Variants in ZNF155 observed in about 807,000 individuals in gnomAD.
ZNF155 encodes KRAB A domain.
ZNF155 carries 15 observed loss-of-function variants against 11.9 expected under a neutral mutation model. The observed-to-expected ratio is 1.26, with a 90% CI of 0.84 to 1.94. The LOEUF is 1.94. Among genes scored for constraint, ZNF155 ranks in the 30% most tolerant of loss-of-function variants. The pLI, the probability that ZNF155 is intolerant of heterozygous loss-of-function variation, is 0.00. For missense variants in ZNF155, 602 were observed against 639.1 expected, an observed-to-expected ratio of 0.94 and a Z score of 0.63; for synonymous variants, 212 against 219.9, an observed-to-expected ratio of 0.96 and a Z score of 0.32.
chr19:43,996,923 A>G lies in ZNF155; in HGVS notation c.1066A>G (p.Arg356Gly), dbSNP rs774935737. ...GCAGTGTGGAAAAGGCTTTATTGGT[A>G]GGCTAGATTTTTATAAGCATCAGGT... ...CEQCGKGFIG[R>G]LDFYKHQVVH... The change falls in exon 5 of 5, where the codon AGG (arginine) becomes GGG (glycine). Residue 356 changes from arginine (R) to glycine (G), a missense_variant. Transcript: ENST00000270014. The G allele has an allele frequency of 5.0e-6, 8 of 1,613,994 alleles. No homozygotes were observed. The East Asian group carries it at 1.1e-4, about 22-fold the overall frequency.
chr19:43,996,606 A>G lies in ZNF155; in HGVS notation c.749A>G (p.His250Arg), dbSNP rs1352571902. ...AGTCGTAGATCAGCACTTAATGTTC[A>G]TCGTAAATTACACACAGGAGAGAAA... is the stretch of plus-strand genomic sequence containing the variant. ...GFSRRSALNV[H>R]RKLHTGEKPY... Residue 250 changes from histidine (H) to arginine (R), a missense_variant, in exon 5 of 5, where the codon CAT becomes CGT. Transcript: ENST00000270014. 3 of 1,612,916 alleles carry G rather than the reference A, an allele frequency of 1.9e-6. No individual in the cohort carries two copies. The highest frequency in any genetic ancestry group is 2.5e-6 in the Non-Finnish European group (3 of 1,179,138).
At chr19:43,989,339 G>A (rs556586705) in intron 2 of ZNF155, among the ~76,000 whole-genome samples, 1 of 152,278 alleles carries the variant, frequency 6.6e-6, no homozygotes, top group South Asian at 2.1e-4. Flanking sequence ...GCAGTAGAAA[G>A]CCTTCATTTA....
intron 2 of ZNF155, among the ~76,000 whole-genome samples, chr19:43,989,362 A>G (rs576644068): frequency 6.6e-6 from 1 of 152,312 alleles, no homozygotes; most frequent in South Asian, 2.1e-4. Context: ...ATGTCCAGTG[A>G]TACTAAGTTT....
rs1353257187 is a variant in ZNF155 at position 43,997,598 on chromosome 19, T to G, written c.*124T>G. On this transcript the variant is annotated 3_prime_UTR_variant, in exon 5 of 5. Transcript: ENST00000270014. ...TTACCATTTCTTTGTGTTGGAAAAT[T>G]CAAAATCCATTTGAGAGGAGTTGGT... 1.5e-5 allele frequency: 15 copies of G among 997,800 alleles called. No homozygotes were observed. The highest frequency in any genetic ancestry group is 5.4e-5 in the East Asian group (2 of 37,240). The allele number at this position is 997,800 out of a possible 1,614,324, so 61.8% of individuals were successfully genotyped here. A position where few individuals can be genotyped will look rare whatever the true frequency, so the allele number is the denominator to read the frequency against.
chr19:43,997,443 T>C lies in ZNF155; in HGVS notation c.1586T>C (p.Ile529Thr). Reference sequence around the variant, plus strand: ...TACAAGAGGCGCTTGAATCTGGATATACTTTTATCATTATTTCTAAATGAC... The same window carrying C: ...TACAAGAGGCGCTTGAATCTGGATACACTTTTATCATTATTTCTAAATGAC... ...RRYKRRLNLD[I>T]LLSLFLNDT The change falls in exon 5 of 5, where the codon ATA becomes ACA. Residue 529 changes from isoleucine to threonine, a missense_variant. By Grantham distance (89) the Ile-to-Thr change is moderately conservative. Transcript: ENST00000270014. 6.3e-7 allele frequency: 1 copy of C among 1,599,578 alleles called. No individual in the cohort carries two copies.
rs1295971865 is a variant in ZNF155, at chr19:43,997,394, A to C, written c.1537A>C (p.Lys513Gln). The change falls in exon 5 of 5, where the codon AAA becomes CAA. Residue 513 changes from lysine (K) to glutamine (Q), a missense_variant. Lys to Gln is a moderately conservative substitution (Grantham distance 53). Coordinates refer to ENST00000270014, the MANE Select transcript of ZNF155 (RefSeq NM_198089.3). ...AGACTATAGTGGGGAAAACCCATCC[A>C]AATGTGAGGATTGTGGGAGACGCTA... ...PRDYSGENPS[K>Q]CEDCGRRYKR... 1 of 1,613,942 alleles carries C rather than the reference A, an allele frequency of 6.2e-7. No individual in the cohort carries two copies. Among genetic ancestry groups the C allele is most frequent in the Non-Finnish European group, 8.5e-7 (1 of 1,179,940 alleles).
Position 43,997,407 on chromosome 19 carries a change from G to A in ZNF155, c.1550G>A (p.Cys517Tyr). 6.2e-7 allele frequency: 1 copy of A among 1,612,132 alleles called. No homozygotes were observed. The highest frequency in any genetic ancestry group is 8.5e-7 in the Non-Finnish European group (1 of 1,179,492). The part of the protein sequence containing the change: ...SGENPSKCED[C>Y]GRRYKRRLNL... Reference sequence around the variant, plus strand: ...GAAAACCCATCCAAATGTGAGGATTGTGGGAGACGCTACAAGAGGCGCTTG... The same window carrying A: ...GAAAACCCATCCAAATGTGAGGATTATGGGAGACGCTACAAGAGGCGCTTG... Residue 517 changes from cysteine (C) to tyrosine (Y), a missense_variant, in exon 5 of 5, where the codon TGT becomes TAT. Transcript: ENST00000270014.
chr19:43,986,449 G>T (rs111574223), intron 1 of ZNF155, among the ~76,000 whole-genome samples: 13,808 of 57,784 alleles, frequency 0.24, 1,735 homozygotes, highest in African/African-American at 0.37. Flanking sequence ...TCCCATTTGT[G>T]TTTTTTTTTT....
At chr19:43,987,536 C>T (rs969776976) in intron 1 of ZNF155, among the ~76,000 whole-genome samples, 2 of 152,170 alleles carry the variant, frequency 1.3e-5, no homozygotes, top group African/African-American at 4.8e-5. Context: ...AGGTTTCCTT[C>T]CTATTGTAAC....
chr19:43,989,950 A>T (rs753464109), intron 2 of ZNF155: 3 of 1,026,808 alleles, frequency 2.9e-6, no homozygotes, highest in Non-Finnish European at 4.0e-6. Flanking sequence ...GATGGCCAAT[A>T]ACCTTGAAAA....
chr19:43,984,451 C>CGGGGGGGGGGGGGGGGGGTG (rs71171206), intron 1 of ZNF155: 1 of 82,164 alleles, frequency 1.2e-5, no homozygotes, highest in Non-Finnish European at 2.4e-5. Flanking sequence ...GTCGGGGGTT[C>CGGGGGGGGGGGGGGGGGGTG]GGGGGGGGCG....
intron 1 of ZNF155, among the ~76,000 whole-genome samples, chr19:43,986,447 GTGTT>G (rs72231672): frequency 0.32 from 44,901 of 141,872 alleles, 7,218 homozygotes; most frequent in Middle Eastern, 0.43. Context: ...ATTCCCATTT[GTGTT>G]TTTTTTTTTT....
chr19:43,989,563 C>T (rs891974568), intron 2 of ZNF155, among the ~76,000 whole-genome samples: 3 of 152,132 alleles, frequency 2.0e-5, no homozygotes, highest in African/African-American at 7.2e-5. Context: ...CAGAATTCTC[C>T]ATTGAGCAAC....
In ZNF155 at chr19:43,997,475, T is replaced by G; in HGVS notation, c.*1T>G. On this transcript the variant is annotated 3_prime_UTR_variant, in exon 5 of 5. Transcript: ENST00000270014. ...ATCATTATTTCTAAATGACACATAA[T>G]TGTTCATATTTATGGGGTACAACGT... 6.3e-7 allele frequency: 1 copy of G among 1,591,968 alleles called. No individual in the cohort carries two copies. The highest frequency in any genetic ancestry group is 8.5e-7 in the Non-Finnish European group (1 of 1,172,448).
chr19:43,990,035 T>C (rs751895746), intron 2 of ZNF155: 24 of 1,491,552 alleles, frequency 1.6e-5, no homozygotes, highest in Admixed American at 2.7e-5. Context: ...TTACCAAGAC[T>C]GTGGGAATAC....
intron 1 of ZNF155, among the ~76,000 whole-genome samples, chr19:43,986,449 GTTTT>G (rs869271791): frequency 5.2e-5 from 3 of 58,022 alleles, no homozygotes; most frequent in Non-Finnish European, 1.7e-4. Context: ...TCCCATTTGT[GTTTT>G]TTTTTTTTTT....
intron 1 of ZNF155, among the ~76,000 whole-genome samples, chr19:43,984,992 T>A (rs1975385613): frequency 6.6e-6 from 1 of 152,212 alleles, no homozygotes; most frequent in Non-Finnish European, 1.5e-5. Context: ...AGGACAAAGC[T>A]GTCTACACGA....
intron 3 of ZNF155, 58 bp from the exon 4 acceptor site, chr19:43,991,784 T>C: frequency 6.2e-7 from 1 of 1,605,384 alleles, no homozygotes; most frequent in East Asian, 2.2e-5. Context: ...CAGTAAATTT[T>C]GCCTAAATAT....
chr19:43,991,630 A>G lies in ZNF155; in HGVS notation c.98A>G (p.Tyr33Cys). The G allele has an allele frequency of 3.7e-6, 6 of 1,614,120 alleles. No homozygotes were observed. The highest frequency in any genetic ancestry group is 5.1e-6 in the Non-Finnish European group (6 of 1,180,010). ...CTGGACCCTGCCCAGAGGAAGCTGT[A>G]CCGAGATGTGATGCTGGAGAACTTC... ...GLLDPAQRKL[Y>C]RDVMLENFRN... The change falls in exon 3 of 5, where the codon TAC becomes TGC. Residue 33 changes from tyrosine (Y) to cysteine (C), a missense_variant. Coordinates refer to ENST00000270014, the MANE Select transcript of ZNF155 (RefSeq NM_198089.3).
Sources: allele counts gnomAD v4.1 joint callset (sites outside exome capture counted in the v4.1 genomes callset), GRCh38; gene constraint gnomAD v4.1.1; transcripts MANE v1.5; gene names NCBI Gene and HGNC (gene_info 2026-07-23, HGNC 2026-07-21).